ZC4H2: variants seen among roughly 807,000 people sequenced by gnomAD.
ZC4H2 encodes the protein zinc finger C4H2-type containing, also known as zinc finger C4H2 domain-containing protein.
For synonymous variants in ZC4H2, 84 were observed against 66.3 expected (o/e 1.27, Z -1.30); for missense variants, 137 against 173.9 (o/e 0.79, Z 1.19).
At chrX:65,031,521 G>A (rs544782500) in intron 1 of ZC4H2, among the ~76,000 whole-genome samples, 1 of 109,916 alleles carries the variant, frequency 9.1e-6, no homozygotes, top group East Asian at 2.8e-4. Flanking sequence ...GGTAAATGAA[G>A]GTGAATAAGG....
chrX:64,916,013 G>C lies in ZC4H2; in HGVS notation c.*1770C>G, dbSNP rs765613682. ...CATCATCAAGCCATTCTGAAAGGGA[G>C]AAAGGTTTTCTTAAAAATGATCATG... On this transcript the variant is annotated 3_prime_UTR_variant, in exon 5 of 5. Coordinates refer to ENST00000374839, the MANE Select transcript of ZC4H2 (RefSeq NM_018684.4). 1 of 112,017 alleles carries C rather than the reference G, an allele frequency of 8.9e-6. No homozygotes were observed. The highest frequency in any genetic ancestry group is 3.2e-5 in the African/African-American group (1 of 30,801). 9.2% of individuals were successfully genotyped at this position (112,017 alleles called of 1,213,427 possible).
intron 1 of ZC4H2, among the ~76,000 whole-genome samples, chrX:64,960,295 G>T (rs1016471903): frequency 9.1e-6 from 1 of 110,230 alleles, no homozygotes; most frequent in Non-Finnish European, 1.9e-5. Flanking sequence ...GAACTCTATT[G>T]CAATAGCACC....
chrX:64,989,213 G>C (rs985569660), intron 1 of ZC4H2, among the ~76,000 whole-genome samples: 1 of 111,677 alleles, frequency 9.0e-6, no homozygotes, highest in Non-Finnish European at 1.9e-5. Context: ...CTCTTCTTTG[G>C]TTCCATATGA....
chrX:64,958,101 AT>A (rs764616552), intron 1 of ZC4H2, among the ~76,000 whole-genome samples: 2 of 111,804 alleles, frequency 1.8e-5, no homozygotes, highest in Non-Finnish European at 3.8e-5. Flanking sequence ...TAAAATAATG[AT>A]AAAAAGTATA....
At chrX:64,985,462 G>A (rs950278665) in intron 1 of ZC4H2, among the ~76,000 whole-genome samples, 9 of 111,155 alleles carry the variant, frequency 8.1e-5, no homozygotes, top group Non-Finnish European at 1.7e-4. Context: ...TTCTTCATAT[G>A]CTTGTTTGCT....
intron 1 of ZC4H2, among the ~76,000 whole-genome samples, chrX:64,966,805 A>AGATCAACT (rs1198454581): frequency 8.9e-6 from 1 of 112,143 alleles, no homozygotes; most frequent in African/African-American, 3.2e-5. Context: ...ATAAGAACAA[A>AGATCAACT]GATCAACTGA....
chrX:65,028,988 C>T (rs183594302), intron 1 of ZC4H2, among the ~76,000 whole-genome samples: 67 of 110,749 alleles, frequency 6.0e-4, no homozygotes, highest in Non-Finnish European at 1.2e-3. Context: ...GATCTCAGGA[C>T]GGTGGTCTGA....
intron 1 of ZC4H2, among the ~76,000 whole-genome samples, chrX:65,023,755 G>A (rs1177853713): frequency 1.8e-5 from 2 of 111,072 alleles, no homozygotes; most frequent in African/African-American, 6.6e-5. Flanking sequence ...CCCATTACTG[G>A]GTATATACCC....
At chrX:64,930,217 G>A (rs1442948686) in intron 1 of ZC4H2, among the ~76,000 whole-genome samples, 4 of 111,770 alleles carry the variant, frequency 3.6e-5, no homozygotes, top group Admixed American at 9.6e-5. Flanking sequence ...GTACATTGAT[G>A]TTGTATCCTG....
chrX:64,972,052 C>T (rs987772149), intron 1 of ZC4H2, among the ~76,000 whole-genome samples: 11 of 111,601 alleles, frequency 9.9e-5, no homozygotes, highest in South Asian at 3.7e-4. Flanking sequence ...CTCCCTTTCC[C>T]TCTTTTCTAT....
At chrX:65,021,093 C>G (rs6624749) in intron 1 of ZC4H2, among the ~76,000 whole-genome samples, 3 of 110,529 alleles carry the variant, frequency 2.7e-5, no homozygotes, top group Non-Finnish European at 5.7e-5. Context: ...TTTAACACCC[C>G]ACTGTCAATA....
chrX:65,014,078 G>A (rs1394194569), intron 1 of ZC4H2, among the ~76,000 whole-genome samples: 2 of 110,927 alleles, frequency 1.8e-5, no homozygotes, highest in Non-Finnish European at 3.8e-5. Flanking sequence ...ATCTTTGAAG[G>A]AATTCAAGCA....
At chrX:65,011,712 G>C (rs971268678) in intron 1 of ZC4H2, among the ~76,000 whole-genome samples, 2 of 107,556 alleles carry the variant, frequency 1.9e-5, no homozygotes, top group Non-Finnish European at 3.8e-5. Context: ...TTTTTTTTTT[G>C]TATTTTTTTT....
chrX:64,949,725 G>T (rs756176563), intron 1 of ZC4H2, among the ~76,000 whole-genome samples: 2 of 111,310 alleles, frequency 1.8e-5, no homozygotes, highest in South Asian at 3.8e-4. Context: ...GCATCCATTT[G>T]ATTCTACTCT....
Position 65,021,603 on chromosome X carries a change from G to A in ZC4H2, c.-272+13026C>T, listed in dbSNP as rs769133248. Among the ~76,000 whole-genome samples, 26 of 110,826 alleles carry A rather than the reference G, an allele frequency of 2.3e-4. 1 individual carries two copies. The highest frequency in any genetic ancestry group is 6.7e-4 in the African/African-American group (20 of 29,962). ...GATCTAAAATTGACACCCTAGCATC[G>A]CAATGAAAAGAACTTGAGAAGCAAG... On this transcript the variant is annotated intron_variant, in intron 1 of 4. Coordinates refer to the ZC4H2 transcript ENST00000337990.
At chrX:65,027,377 G>T (rs757500210) in intron 1 of ZC4H2, among the ~76,000 whole-genome samples, 1 of 111,641 alleles carries the variant, frequency 9.0e-6, no homozygotes, top group African/African-American at 3.3e-5. Context: ...GTTTGGAAGA[G>T]AGGTAAGAAT....
chrX:64,928,673 TTCTTC>T, intron 1 of ZC4H2, among the ~76,000 whole-genome samples: 1 of 104,526 alleles, frequency 9.6e-6, no homozygotes, highest in South Asian at 4.5e-4. Flanking sequence ...CTTCTTCTTC[TTCTTC>T]TTCTTCCTCC....
chrX:64,959,135 T>C (rs1374263148), intron 1 of ZC4H2, among the ~76,000 whole-genome samples: 1 of 110,186 alleles, frequency 9.1e-6, no homozygotes, highest in Non-Finnish European at 1.9e-5. Context: ...CCCATTGCTA[T>C]TTTCCTATTG....
At chrX:64,974,430 A>G (rs1343053371) in intron 1 of ZC4H2, among the ~76,000 whole-genome samples, 1 of 112,089 alleles carries the variant, frequency 8.9e-6, no homozygotes, top group Non-Finnish European at 1.9e-5. Context: ...CAGTATTGGC[A>G]TCTGTTTATT....
Sources: allele counts gnomAD v4.1 joint callset (sites outside exome capture counted in the v4.1 genomes callset), GRCh38; gene constraint gnomAD v4.1.1; transcripts MANE v1.5; gene names NCBI Gene and HGNC (gene_info 2026-07-23, HGNC 2026-07-21).